CNTN5: variants seen among roughly 807,000 people sequenced by gnomAD.
The protein encoded by CNTN5 is contactin 5, also known as contactin-5.
In CNTN5, 77 loss-of-function variants were observed where a neutral mutation model predicts 129.1. The observed-to-expected ratio is 0.60, with a 90% CI of 0.50 to 0.72. The LOEUF is 0.72. CNTN5 is among the 30% of genes least tolerant of loss of function. CNTN5 has a pLI of 0.00. For missense variants in CNTN5, 1,478 were observed against 1,328.8 expected (o/e 1.11, Z -1.75); for synonymous variants, 509 against 465.6 (o/e 1.09, Z -1.20).
chr11:100,046,676 A>T (rs1019496130), intron 9 of CNTN5, among the ~76,000 whole-genome samples: 2 of 152,176 alleles, frequency 1.3e-5, no homozygotes, highest in Non-Finnish European at 2.9e-5. Flanking sequence ...CAGACTTTGG[A>T]TTGTTACCAG....
intron 2 of CNTN5, among the ~76,000 whole-genome samples, chr11:99,421,762 T>C (rs188428182): frequency 1.3e-5 from 2 of 152,314 alleles, no homozygotes; most frequent in Admixed American, 6.5e-5. Flanking sequence ...CTTTGTAAGT[T>C]TAATTTAGAA....
At chr11:99,900,144 T>A (rs1949316656) in intron 6 of CNTN5, among the ~76,000 whole-genome samples, 1 of 151,656 alleles carries the variant, frequency 6.6e-6, no homozygotes, top group Non-Finnish European at 1.5e-5. Context: ...ATTTTCTTTA[T>A]CCTTTCAAAG....
intron 13 of CNTN5, among the ~76,000 whole-genome samples, chr11:100,130,310 T>C (rs944659643): frequency 2.6e-5 from 4 of 152,134 alleles, no homozygotes; most frequent in Non-Finnish European, 5.9e-5. Flanking sequence ...ATGGCACCCA[T>C]GTGCTAGACG....
In CNTN5 at chr11:100,207,579, T is replaced by C. The variant is rs1007371251; in HGVS notation, c.1884+13916T>C. Among the ~76,000 whole-genome samples the C allele has an allele frequency of 3.3e-5, 5 of 152,084 alleles. No individual in the cohort carries two copies. In the South Asian group the frequency reaches 1.0e-3, roughly 31 times the overall value. On this transcript the variant is annotated intron_variant, in intron 15 of 24. Transcript: ENST00000524871. The stretch of plus-strand genomic sequence containing the variant: ...TCCTTTCTAACTACTGATAGCCCCA[T>C]AAATAAATATATTATATTTACAAAA...
chr11:99,524,593 C>T (rs1947414574), intron 2 of CNTN5, among the ~76,000 whole-genome samples: 1 of 152,152 alleles, frequency 6.6e-6, no homozygotes, highest in South Asian at 2.1e-4. Context: ...AGGCAGATTA[C>T]TTGAGGTCAG....
At chr11:100,290,120 T>C (rs375701986) in intron 18 of CNTN5, among the ~76,000 whole-genome samples, 1 of 151,236 alleles carries the variant, frequency 6.6e-6, no homozygotes, top group African/African-American at 2.4e-5. Context: ...TACAGACAAA[T>C]GGAAGAACAT....
intron 13 of CNTN5, among the ~76,000 whole-genome samples, chr11:100,106,447 C>G (rs773965633): frequency 1.3e-5 from 2 of 152,000 alleles, no homozygotes; most frequent in Admixed American, 6.6e-5. Flanking sequence ...AGGTTTGGGA[C>G]ATTTTGTAAT....
At chr11:99,193,081 A>G (rs1329686889) in intron 1 of CNTN5, among the ~76,000 whole-genome samples, 4 of 152,186 alleles carry the variant, frequency 2.6e-5, no homozygotes, top group African/African-American at 9.6e-5. Flanking sequence ...TTAGTACATA[A>G]GCATAAACTT....
intron 1 of CNTN5, among the ~76,000 whole-genome samples, chr11:99,142,504 A>G (rs866334404): frequency 2.6e-5 from 4 of 151,912 alleles, no homozygotes; most frequent in Admixed American, 6.6e-5. Context: ...CTGGGGAGTG[A>G]CCCAGTTGGG....
intron 13 of CNTN5, among the ~76,000 whole-genome samples, chr11:100,152,098 C>A (rs1390291377): frequency 1.3e-5 from 2 of 152,112 alleles, no homozygotes; most frequent in East Asian, 1.9e-4. Flanking sequence ...TAAGTGAAAT[C>A]GTCAACCAGA....
intron 3 of CNTN5, among the ~76,000 whole-genome samples, chr11:99,608,525 CTGGT>C (rs2135722268): frequency 6.6e-6 from 1 of 152,212 alleles, no homozygotes; most frequent in East Asian, 1.9e-4. Flanking sequence ...TCCAGTAAGC[CTGGT>C]TTCCTTATAA....
chr11:99,884,070 C>T (rs902722306), intron 6 of CNTN5, among the ~76,000 whole-genome samples: 1 of 152,160 alleles, frequency 6.6e-6, no homozygotes, highest in Non-Finnish European at 1.5e-5. Context: ...GGCCCCCAAA[C>T]AGAAGCACCC....
chr11:100,263,287 A>C (rs1950240946), intron 17 of CNTN5, among the ~76,000 whole-genome samples: 1 of 152,290 alleles, frequency 6.6e-6, no homozygotes, highest in South Asian at 2.1e-4. Context: ...TATAGAAATC[A>C]GTAAAATATT....
intron 6 of CNTN5, among the ~76,000 whole-genome samples, chr11:99,877,576 G>A (rs866253686): frequency 2.5e-4 from 38 of 149,356 alleles, no homozygotes; most frequent in African/African-American, 9.2e-4. Flanking sequence ...CAGATTTAGT[G>A]GATTTTTAAG....
chr11:100,187,385 A>G (rs1948330083), intron 13 of CNTN5, among the ~76,000 whole-genome samples: 1 of 149,390 alleles, frequency 6.7e-6, no homozygotes, highest in African/African-American at 2.5e-5. Context: ...CTACAATTCA[A>G]CGCTATTCCT....
chr11:99,101,455 G>A (rs1344609494), intron 1 of CNTN5, among the ~76,000 whole-genome samples: 13 of 152,272 alleles, frequency 8.5e-5, no homozygotes, highest in Non-Finnish European at 1.8e-4. Flanking sequence ...GGCAAGGCAA[G>A]TCCCTTCCAC....
intron 6 of CNTN5, among the ~76,000 whole-genome samples, chr11:99,903,033 G>A (rs1565658319): frequency 6.6e-6 from 1 of 152,066 alleles, no homozygotes; most frequent in Non-Finnish European, 1.5e-5. Flanking sequence ...AGATAGAACT[G>A]TTGAGTTTAT....
At chr11:100,327,496 C>A (rs1246331212) in intron 21 of CNTN5, among the ~76,000 whole-genome samples, 2 of 152,170 alleles carry the variant, frequency 1.3e-5, no homozygotes, top group Non-Finnish European at 2.9e-5. Context: ...CCCTGACCAG[C>A]CCCTGCCCAC....
chr11:99,145,621 G>T (rs1591271671), intron 1 of CNTN5, among the ~76,000 whole-genome samples: 1 of 152,030 alleles, frequency 6.6e-6, no homozygotes, highest in Non-Finnish European at 1.5e-5. Context: ...TAAATATTTA[G>T]AGTATCTTAT....
Sources: allele counts gnomAD v4.1 joint callset (sites outside exome capture counted in the v4.1 genomes callset), GRCh38; gene constraint gnomAD v4.1.1; transcripts MANE v1.5; gene names NCBI Gene and HGNC (gene_info 2026-07-23, HGNC 2026-07-21).